SLC11A2: variants seen among roughly 807,000 people sequenced by gnomAD.
The protein encoded by SLC11A2 is natural resistance-associated macrophage protein 2.
In SLC11A2, 38 loss-of-function variants were observed where a neutral mutation model predicts 68.0. The observed-to-expected ratio is 0.56, with a 90% CI of 0.43 to 0.73. SLC11A2 has a LOEUF of 0.73. Among genes scored for constraint, SLC11A2 ranks in the 30% least tolerant of loss-of-function variants. The pLI is 0.00. For synonymous variants in SLC11A2, 242 were observed against 250.6 expected (o/e 0.97, Z 0.32); for missense variants, 517 against 690.5 (o/e 0.75, Z 2.82).
At chr12:51,004,962 T>G in intron 4 of SLC11A2, 55 bp from the exon 5 acceptor site, 2 of 1,603,340 alleles carry the variant, frequency 1.2e-6, no homozygotes, top group Non-Finnish European at 1.7e-6. Context: ...TTTTTGTCTG[T>G]TTGTTTGTTT....
At chr12:50,978,113 A>G, downstream of SLC11A2, among the ~76,000 whole-genome samples, 1 of 152,140 alleles carries the variant, frequency 6.6e-6, no homozygotes, top group Non-Finnish European at 1.5e-5. Context: ...AACCAGAAAT[A>G]CCATTTGACC....
At chr12:50,996,764 G>A in intron 9 of SLC11A2, 53 bp downstream of exon 9, 1 of 1,578,250 alleles carries the variant, frequency 6.3e-7, no homozygotes, top group Non-Finnish European at 8.7e-7. Context: ...GCAATTGAAG[G>A]AAAAGATCCC....
In SLC11A2 at chr12:50,988,408, T is replaced by C. The variant is rs767778859; in HGVS notation, c.1603A>G (p.Met535Val). The change falls in exon 16 of 16, where the codon ATG becomes GTG. Residue 535 changes from methionine (M) to valine (V), a missense_variant. Coordinates refer to ENST00000262052, the MANE Select transcript of SLC11A2 (RefSeq NM_000617.3). The stretch of plus-strand genomic sequence containing the variant: ...GTATGCCCACAGTCCAGGAAGGACA[T>C]GCCCAGTGCAATCAAACATTGCCAA... ...LGWQCLIALGMSFLDCGHTVS... is the reference protein window; with the variant it reads ...LGWQCLIALGVSFLDCGHTVS... 1.3e-5 allele frequency: 21 copies of C among 1,614,066 alleles called. No individual in the cohort carries two copies. Among genetic ancestry groups the C allele is most frequent in the Non-Finnish European group, 1.8e-5 (21 of 1,179,922 alleles).
Position 50,986,290 on chromosome 12 carries a change from A to G in SLC11A2, c.*2035T>C, listed in dbSNP as rs1940545616. The stretch of plus-strand genomic sequence containing the variant: ...GGAATTGGAGGACTTAAATTTCTAC[A>G]TATTATTTATTGCACCCAGAGTACT... On this transcript the variant is annotated 3_prime_UTR_variant, in exon 16 of 16. Coordinates refer to ENST00000262052, the MANE Select transcript of SLC11A2 (RefSeq NM_000617.3). The G allele has an allele frequency of 2.3e-6, 3 of 1,286,620 alleles. No homozygotes were observed. Among genetic ancestry groups the G allele is most frequent in the Non-Finnish European group, 2.0e-6 (2 of 988,100 alleles). 79.7% of individuals were successfully genotyped at this position (1,286,620 alleles called of 1,614,324 possible). A position where few individuals can be genotyped will look rare whatever the true frequency, so the allele number is the denominator to read the frequency against.
the SLC11A2 span, among the ~76,000 whole-genome samples, chr12:50,964,418 A>G: frequency 6.6e-6 from 1 of 152,186 alleles, no homozygotes; most frequent in Admixed American, 6.5e-5. Context: ...TTAGTTTTCC[A>G]TTGTCTTTAA....
At chr12:50,981,869 G>A, downstream of SLC11A2, 1 of 907,064 alleles carries the variant, frequency 1.1e-6, no homozygotes, top group East Asian at 2.7e-5. Flanking sequence ...CAGCTTTTAA[G>A]TACCTATAAT....
chr12:50,957,896 AC>A, the SLC11A2 span, among the ~76,000 whole-genome samples: 1 of 151,474 alleles, frequency 6.6e-6, no homozygotes, highest in Non-Finnish European at 1.5e-5. Flanking sequence ...AAGAAAAAAA[AC>A]AAAACAAAAA....
intron 11 of SLC11A2, among the ~76,000 whole-genome samples, chr12:50,993,800 C>T (rs1004992800): frequency 6.2e-4 from 94 of 151,480 alleles, no homozygotes; most frequent in African/African-American, 2.2e-3. Flanking sequence ...TGCACTCCAG[C>T]CTGGGCAACA....
At chr12:50,959,658 TG>T in the SLC11A2 span, among the ~76,000 whole-genome samples, 2 of 152,184 alleles carry the variant, frequency 1.3e-5, no homozygotes, top group Admixed American at 1.3e-4. Context: ...GTTTGTTTTT[TG>T]TTTTTTAAAA....
downstream of SLC11A2, chr12:50,981,921 G>A (rs1457732804): frequency 5.9e-6 from 3 of 506,352 alleles, no homozygotes; most frequent in Middle Eastern, 2.9e-4. Flanking sequence ...CTGCTATATT[G>A]ATTTTTATTT....
chr12:50,972,720 G>C, the SLC11A2 span, among the ~76,000 whole-genome samples: 1 of 152,254 alleles, frequency 6.6e-6, no homozygotes, highest in Non-Finnish European at 1.5e-5. Context: ...ACCACAAGGA[G>C]TCAGAGAATT....
At chr12:51,006,925 T>C (rs1008387398) in intron 3 of SLC11A2, among the ~76,000 whole-genome samples, 1 of 152,052 alleles carries the variant, frequency 6.6e-6, no homozygotes, top group Non-Finnish European at 1.5e-5. Context: ...TTTTTTTTAC[T>C]TGGAGACAAG....
In SLC11A2 at chr12:50,992,736, A is replaced by G. The variant is rs1592325693; in HGVS notation, c.1197+74T>C. Reference sequence around the variant, plus strand: ...GACGAGTGAGACTCCATCTCAAAAAAAAAAAAAAAAGAAGAAGAAGAAGAA... The same window carrying G: ...GACGAGTGAGACTCCATCTCAAAAAGAAAAAAAAAAGAAGAAGAAGAAGAA... On this transcript the variant is annotated intron_variant, in intron 12 of 15. Transcript: ENST00000262052. The G allele has an allele frequency of 1.1e-5, 15 of 1,419,708 alleles. No individual in the cohort carries two copies. The East Asian group carries it at 3.3e-4, about 31-fold the overall frequency. 87.9% of individuals were successfully genotyped at this position (1,419,708 alleles called of 1,614,324 possible).
intron 1 of SLC11A2, chr12:51,026,009 AGCTGGGAGCTGGGC>A (rs1592472138): frequency 2.0e-6 from 2 of 1,023,984 alleles, no homozygotes; most frequent in East Asian, 2.3e-4. Flanking sequence ...CATCCGGTGC[AGCTGGGAGCTGGGC>A]CATGTGTCCT....
intron 6 of SLC11A2, 80 bp from the exon 7 acceptor site, chr12:50,999,495 T>G: frequency 6.0e-6 from 7 of 1,168,802 alleles, no homozygotes; most frequent in Non-Finnish European, 9.0e-6. Context: ...CCAACAGCTC[T>G]CCAGATAAAG....
chr12:51,026,237 C>T (rs1944378356), intron 1 of SLC11A2, 73 bp downstream of exon 1: 1 of 1,228,768 alleles, frequency 8.1e-7, no homozygotes, highest in Non-Finnish European at 1.1e-6. Context: ...CCGACACAGG[C>T]CCTCGAGCCG....
chr12:51,021,252 A>T (rs1466615612), intron 1 of SLC11A2, among the ~76,000 whole-genome samples: 1 of 152,170 alleles, frequency 6.6e-6, no homozygotes, highest in Non-Finnish European at 1.5e-5. Flanking sequence ...CCTGGAACCA[A>T]TCCCCTACAG....
At chr12:50,997,226 C>T (rs1941783322) in intron 8 of SLC11A2, among the ~76,000 whole-genome samples, 1 of 152,044 alleles carries the variant, frequency 6.6e-6, no homozygotes, top group Non-Finnish European at 1.5e-5. Flanking sequence ...TACAGGCCAC[C>T]ACACCTGGCC....
the SLC11A2 span, among the ~76,000 whole-genome samples, chr12:50,960,405 CA>C: frequency 6.6e-6 from 1 of 152,164 alleles, no homozygotes; most frequent in Admixed American, 6.5e-5. Context: ...GTAGCATGCA[CA>C]GTTTGAAATC....
Sources: allele counts gnomAD v4.1 joint callset (sites outside exome capture counted in the v4.1 genomes callset), GRCh38; gene constraint gnomAD v4.1.1; transcripts MANE v1.5; gene names NCBI Gene and HGNC (gene_info 2026-07-23, HGNC 2026-07-21).